C4orf36: variants seen among roughly 807,000 people sequenced by gnomAD.
The protein encoded by C4orf36 is uncharacterized protein C4orf36.
C4orf36 carries 11 observed loss-of-function variants against 12.2 expected under a neutral mutation model. That is an observed-to-expected ratio of 0.90 (90% confidence interval 0.57 to 1.49). The LOEUF (loss-of-function observed/expected upper bound fraction) is 1.49, where lower values mean the gene tolerates loss of function less well. Among genes scored for constraint, C4orf36 ranks in the 40% most tolerant of loss-of-function variants. The probability of loss-of-function intolerance (pLI) is 0.00; values close to 1 mark genes in which losing one functional copy is unlikely to be tolerated. For synonymous variants in C4orf36, 54 were observed against 51.3 expected, an observed-to-expected ratio of 1.05 and a Z score of -0.22; for missense variants, 137 against 133.9, an observed-to-expected ratio of 1.02 and a Z score of -0.11.
At chr4:86,925,234 A>G in the C4orf36 span, 1 of 152,108 alleles carries the variant, frequency 6.6e-6, no homozygotes, top group African/African-American at 2.4e-5. Flanking sequence ...AGTCTCATAT[A>G]TATATGAGAC....
the C4orf36 span, among the ~76,000 whole-genome samples, chr4:86,912,487 G>C: frequency 3.4e-4 from 52 of 152,306 alleles, no homozygotes; most frequent in Non-Finnish European, 4.7e-4. Context: ...ACAAGTTCCT[G>C]TGTTCTTACT....
rs1049817441 is a variant in C4orf36 at position 86,892,306 on chromosome 4, C to G, written c.-197G>C. ...CCCGGGCTCCAGGGGCTCGGAGGGT[C>G]GCGGCCGGGGTACTGAGGTAAGAGC... On this transcript the variant is annotated 5_prime_UTR_variant, in exon 1 of 5. Transcript: ENST00000295898. 2.0e-5 allele frequency: 20 copies of G among 985,568 alleles called. No homozygotes were observed. Among genetic ancestry groups the G allele is most frequent in the Non-Finnish European group, 2.3e-5 (19 of 830,138 alleles). 61.1% of individuals were successfully genotyped at this position (985,568 alleles called of 1,614,324 possible).
upstream of C4orf36, among the ~76,000 whole-genome samples, chr4:86,895,726 T>TCTCTCTCC (rs139965602): frequency 0.062 from 9,450 of 152,104 alleles, 429 homozygotes; most frequent in Non-Finnish European, 0.087. Context: ...TTTCTTCCCC[T>TCTCTCTCC]CTCTCTCCCT....
intron 4 of C4orf36, chr4:86,887,130 G>GGA (rs1472809787): frequency 6.6e-6 from 1 of 151,992 alleles, no homozygotes; most frequent in Non-Finnish European, 1.5e-5. Flanking sequence ...GGGGTATGGG[G>GGA]GAGGGATAGC....
At chr4:86,905,944 C>T in the C4orf36 span, among the ~76,000 whole-genome samples, 1 of 152,150 alleles carries the variant, frequency 6.6e-6, no homozygotes, top group South Asian at 2.1e-4. Flanking sequence ...TAGTCTTGAA[C>T]TCCTGACCTC....
chr4:86,924,815 T>A, the C4orf36 span: 1 of 152,258 alleles, frequency 6.6e-6, no homozygotes, highest in East Asian at 1.9e-4. Flanking sequence ...CATTCTCACA[T>A]TGCTATAAAA....
At chr4:86,902,439 A>AAAAAG in the C4orf36 span, among the ~76,000 whole-genome samples, 271 of 140,964 alleles carry the variant, frequency 1.9e-3, 1 homozygote, top group African/African-American at 4.7e-3. Flanking sequence ...AAAAAAAAAA[A>AAAAAG]AAAGAAAGAA....
the C4orf36 span, among the ~76,000 whole-genome samples, chr4:86,903,599 A>G: frequency 6.6e-6 from 1 of 152,208 alleles, no homozygotes; most frequent in Non-Finnish European, 1.5e-5. Context: ...CCCAAAGAGA[A>G]AGCAGCAACA....
chr4:86,897,053 G>T (rs572982329), upstream of C4orf36, among the ~76,000 whole-genome samples: 1 of 152,194 alleles, frequency 6.6e-6, no homozygotes, highest in East Asian at 1.9e-4. Context: ...AGTTAAGGGG[G>T]AAAAATGTTT....
the C4orf36 span, chr4:86,913,286 G>A: frequency 4.5e-6 from 3 of 663,138 alleles, no homozygotes. Context: ...GAAGACTCGA[G>A]AGTCTTGAAA....
the C4orf36 span, among the ~76,000 whole-genome samples, chr4:86,900,572 A>G: frequency 4.0e-4 from 61 of 152,324 alleles, no homozygotes; most frequent in African/African-American, 1.4e-3. Context: ...GACCATGTGC[A>G]TTACAAAAAG....
chr4:86,877,757 C>T (rs1746959455), intron 4 of C4orf36, among the ~76,000 whole-genome samples: 1 of 152,190 alleles, frequency 6.6e-6, no homozygotes, highest in Non-Finnish European at 1.5e-5. Flanking sequence ...AGACACAACT[C>T]CTTACTCTGA....
upstream of C4orf36, chr4:86,892,525 T>A: frequency 1.1e-5 from 10 of 941,288 alleles, no homozygotes; most frequent in Non-Finnish European, 1.3e-5. Flanking sequence ...CCCCGCGGGG[T>A]CCGCTCTCTG....
chr4:86,903,135 G>A, the C4orf36 span, among the ~76,000 whole-genome samples: 1 of 152,202 alleles, frequency 6.6e-6, no homozygotes, highest in Non-Finnish European at 1.5e-5. Flanking sequence ...ATTTTCACAA[G>A]AAAAGGAAGC....
chr4:86,915,727 C>T, the C4orf36 span, among the ~76,000 whole-genome samples: 5 of 152,072 alleles, frequency 3.3e-5, no homozygotes, highest in African/African-American at 7.2e-5. Flanking sequence ...ACGGAGGTTG[C>T]GGTGAGCCAA....
chr4:86,888,494 T>C (rs543574093), intron 2 of C4orf36, among the ~76,000 whole-genome samples: 1 of 152,304 alleles, frequency 6.6e-6, no homozygotes, highest in South Asian at 2.1e-4. Flanking sequence ...GACCAGAAAT[T>C]ACACCAGGAA....
the C4orf36 span, among the ~76,000 whole-genome samples, chr4:86,927,465 T>C: frequency 3.3e-5 from 5 of 151,860 alleles, no homozygotes; most frequent in Non-Finnish European, 5.9e-5. Context: ...TAGAGCAAAA[T>C]GTCTAGCAAA....
the C4orf36 span, among the ~76,000 whole-genome samples, chr4:86,900,131 G>A: frequency 6.6e-6 from 1 of 152,078 alleles, no homozygotes; most frequent in African/African-American, 2.4e-5. Context: ...CGCCTCCTGG[G>A]TTCAAGCAAC....
the C4orf36 span, among the ~76,000 whole-genome samples, chr4:86,912,064 G>C: frequency 6.7e-6 from 1 of 149,170 alleles, no homozygotes; most frequent in Non-Finnish European, 1.5e-5. Context: ...TAGTAGAGAC[G>C]AAGTTTCTCC....
Sources: gnomAD v4.1 joint callset for allele counts (sites outside exome capture counted in the v4.1 genomes callset) on GRCh38, gnomAD v4.1.1 for gene constraint, MANE v1.5 for transcripts, NCBI Gene and HGNC (gene_info 2026-07-23, HGNC 2026-07-21) for gene names.